The following RPS6KC1 variants were observed in gnomAD, a reference collection of about 807,000 sequenced individuals.
The protein encoded by RPS6KC1 is ribosomal protein S6 kinase C1.
A neutral mutation model predicts 103.8 loss-of-function variants in RPS6KC1; 54 were observed. The observed-to-expected ratio is 0.52, with a 90% CI of 0.42 to 0.65. The LOEUF is 0.65. RPS6KC1 is among the 30% of genes least tolerant of loss of function. The pLI is 0.00. For missense variants in RPS6KC1, 1,151 were observed against 1,253.8 expected, an observed-to-expected ratio of 0.92 and a Z score of 1.24; for synonymous variants, 439 against 438.7, an observed-to-expected ratio of 1.00 and a Z score of -0.01.
At chr1:213,625,432 CTT>C in the RPS6KC1 span, among the ~76,000 whole-genome samples, 1 of 150,716 alleles carries the variant, frequency 6.6e-6, no homozygotes, top group African/African-American at 2.4e-5. Flanking sequence ...TCTTGGGGCT[CTT>C]TTTTTTTATT....
chr1:213,162,188 A>T (rs1168849312), intron 6 of RPS6KC1, among the ~76,000 whole-genome samples: 1 of 152,224 alleles, frequency 6.6e-6, no homozygotes. Context: ...TTTAGAACAT[A>T]AGAGAAACTT....
the RPS6KC1 span, among the ~76,000 whole-genome samples, chr1:213,667,922 C>T: frequency 6.6e-6 from 1 of 152,226 alleles, no homozygotes; most frequent in South Asian, 2.1e-4. Context: ...TCAAGTTTTA[C>T]CACAAGATTG....
chr1:213,208,114 G>C (rs560778047), intron 8 of RPS6KC1, among the ~76,000 whole-genome samples: 30 of 152,210 alleles, frequency 2.0e-4, no homozygotes, highest in South Asian at 4.1e-4. Context: ...ATTCTTATAT[G>C]TATCTATCTC....
At chr1:213,702,777 C>T in the RPS6KC1 span, among the ~76,000 whole-genome samples, 5 of 151,016 alleles carry the variant, frequency 3.3e-5, no homozygotes, top group African/African-American at 1.2e-4. Flanking sequence ...TTTTTCCCAT[C>T]CCTTTATTTT....
chr1:213,629,557 T>C, the RPS6KC1 span, among the ~76,000 whole-genome samples: 8 of 152,344 alleles, frequency 5.3e-5, no homozygotes, highest in Admixed American at 3.9e-4. Context: ...TCTGTGTCTT[T>C]TAATTGGAGC....
At chr1:213,520,828 A>G in the RPS6KC1 span, among the ~76,000 whole-genome samples, 1 of 152,228 alleles carries the variant, frequency 6.6e-6, no homozygotes, top group Non-Finnish European at 1.5e-5. Flanking sequence ...TTAAAACAAA[A>G]TATAACAAAC....
At chr1:213,584,170 G>A in the RPS6KC1 span, among the ~76,000 whole-genome samples, 1 of 152,152 alleles carries the variant, frequency 6.6e-6, no homozygotes, top group Non-Finnish European at 1.5e-5. Context: ...TGTAAGATGT[G>A]CTTTTCGCCT....
the RPS6KC1 span, among the ~76,000 whole-genome samples, chr1:213,336,412 A>T: frequency 2.6e-5 from 4 of 152,082 alleles, no homozygotes; most frequent in African/African-American, 9.7e-5. Context: ...CCTCTATATC[A>T]CCTAGAAGAC....
chr1:213,456,326 G>C, the RPS6KC1 span, among the ~76,000 whole-genome samples: 2 of 152,120 alleles, frequency 1.3e-5, no homozygotes, highest in Admixed American at 6.6e-5. Context: ...TAATACAACA[G>C]ACTCTTGACA....
chr1:213,784,347 T>C, the RPS6KC1 span, among the ~76,000 whole-genome samples: 1 of 152,130 alleles, frequency 6.6e-6, no homozygotes, highest in Admixed American at 6.5e-5. Flanking sequence ...CTCACACACA[T>C]GAAGTTGGTC....
At chr1:213,697,670 C>T in the RPS6KC1 span, among the ~76,000 whole-genome samples, 2 of 152,140 alleles carry the variant, frequency 1.3e-5, no homozygotes, top group African/African-American at 4.8e-5. Context: ...TTCAGAGGAA[C>T]TCTGTAGGCC....
chr1:213,659,041 C>T, the RPS6KC1 span, among the ~76,000 whole-genome samples: 10 of 151,920 alleles, frequency 6.6e-5, no homozygotes, highest in African/African-American at 1.7e-4. Flanking sequence ...CTCAGCTCAC[C>T]GCAACCTCCG....
chr1:213,416,262 T>C, the RPS6KC1 span, among the ~76,000 whole-genome samples: 26 of 152,242 alleles, frequency 1.7e-4, no homozygotes, highest in Admixed American at 1.7e-3. Context: ...GAGGTCACTG[T>C]AGGCACTCTG....
the RPS6KC1 span, among the ~76,000 whole-genome samples, chr1:213,684,839 G>A: frequency 6.6e-6 from 1 of 152,224 alleles, no homozygotes; most frequent in Non-Finnish European, 1.5e-5. Flanking sequence ...ACCACATGGA[G>A]ATGCCTTTCT....
chr1:213,112,553 A>T (rs575451299), intron 4 of RPS6KC1, among the ~76,000 whole-genome samples: 74 of 148,656 alleles, frequency 5.0e-4, no homozygotes, highest in African/African-American at 1.8e-3. Flanking sequence ...CTTTTTTTTT[A>T]TTTTTATTTA....
At chr1:213,772,480 A>C in the RPS6KC1 span, among the ~76,000 whole-genome samples, 1,521 of 152,336 alleles carry the variant, frequency 1.0e-2, 9 homozygotes, top group South Asian at 0.018. Context: ...TGGAAATATA[A>C]TTGTGTATAC....
chr1:213,783,484 C>A, the RPS6KC1 span, among the ~76,000 whole-genome samples: 1 of 152,122 alleles, frequency 6.6e-6, no homozygotes, highest in African/African-American at 2.4e-5. Context: ...GCCTCCCCCC[C>A]TCAGATCTCC....
chr1:213,775,159 G>A, the RPS6KC1 span, among the ~76,000 whole-genome samples: 2 of 152,090 alleles, frequency 1.3e-5, no homozygotes, highest in Non-Finnish European at 2.9e-5. Context: ...ACAATACATT[G>A]TGTATAATCC....
At chr1:213,173,407 A>G (rs1202573803) in intron 7 of RPS6KC1, among the ~76,000 whole-genome samples, 1 of 152,158 alleles carries the variant, frequency 6.6e-6, no homozygotes, top group Non-Finnish European at 1.5e-5. Context: ...TCATTGGGTT[A>G]TTTCTCATAG....
Sources: allele counts gnomAD v4.1 joint callset (sites outside exome capture counted in the v4.1 genomes callset), GRCh38; gene constraint gnomAD v4.1.1; transcripts MANE v1.5; gene names NCBI Gene and HGNC (gene_info 2026-07-23, HGNC 2026-07-21).